The following DOCK1 variants were observed in gnomAD, a reference collection of about 807,000 sequenced individuals.
The protein encoded by DOCK1 is dedicator of cytokinesis 1.
A neutral mutation model predicts 262.7 loss-of-function variants in DOCK1; 138 were observed. The observed-to-expected ratio is 0.53, with a 90% confidence interval of 0.46 to 0.61. The LOEUF (loss-of-function observed/expected upper bound fraction) is 0.61. DOCK1 is among the 20% of genes least tolerant of loss of function. DOCK1 has a pLI of 0.00. For synonymous variants in DOCK1, 866 were observed against 867.4 expected, an observed-to-expected ratio of 1.00 and a Z score of 0.03; for missense variants, 1,908 against 2,370.7, an observed-to-expected ratio of 0.80 and a Z score of 4.05.
intron 2 of DOCK1, among the ~76,000 whole-genome samples, chr10:126,971,671 G>A (rs1250336804): frequency 6.6e-6 from 1 of 152,132 alleles, no homozygotes; most frequent in African/African-American, 2.4e-5. Flanking sequence ...GCCTGCCTCA[G>A]CCTCTCAGAA....
chr10:127,037,851 T>A, intron 19 of DOCK1, 35 bp downstream of exon 19: 15 of 718,642 alleles, frequency 2.1e-5, no homozygotes, highest in Non-Finnish European at 2.6e-5. Context: ...TTTGGGTCTT[T>A]TTTTTTTTTT....
rs970329582 is a variant in DOCK1, at chr10:127,352,594, G to A, written c.3225-2075G>A. On this transcript the variant is annotated intron_variant, in intron 31 of 51. Transcript: ENST00000623213. ...ACTGATGAAGTTCAGCCTAGCAGTGGCCAGTTTTTTTTTCTTGATACAGAG... is the reference window on the plus strand; with the variant it reads ...ACTGATGAAGTTCAGCCTAGCAGTGACCAGTTTTTTTTTCTTGATACAGAG... 1.6e-4 allele frequency among the ~76,000 whole-genome samples: 24 copies of A among 152,038 alleles called. 1 individual carries two copies. The highest frequency in any genetic ancestry group is 2.9e-4 in the Non-Finnish European group (20 of 68,012).
chr10:127,220,235 A>C (rs751347064), intron 27 of DOCK1, among the ~76,000 whole-genome samples: 1 of 151,794 alleles, frequency 6.6e-6, no homozygotes, highest in Non-Finnish European at 1.5e-5. Flanking sequence ...TGGAGTTTGC[A>C]GAGAAAGAGT....
At chr10:127,019,135 G>A (rs190213439) in intron 13 of DOCK1, among the ~76,000 whole-genome samples, 1 of 152,244 alleles carries the variant, frequency 6.6e-6, no homozygotes, top group African/African-American at 2.4e-5. Flanking sequence ...AGAAGAAAGA[G>A]GTCAGAAAGG....
At chr10:126,970,536 G>T (rs907533250) in intron 1 of DOCK1, among the ~76,000 whole-genome samples, 166 bp from the exon 2 acceptor site, 3 of 152,102 alleles carry the variant, frequency 2.0e-5, no homozygotes, top group African/African-American at 7.2e-5. Flanking sequence ...CTTTATATTT[G>T]TCTGAAAGAA....
intron 1 of DOCK1, among the ~76,000 whole-genome samples, chr10:126,958,387 G>T (rs923937493): frequency 6.6e-6 from 1 of 152,220 alleles, no homozygotes; most frequent in Admixed American, 6.5e-5. Context: ...CACAGGGTTT[G>T]TTGGGGCTTC....
intron 27 of DOCK1, among the ~76,000 whole-genome samples, chr10:127,164,371 C>A (rs758859764): frequency 2.0e-5 from 3 of 151,766 alleles, no homozygotes; most frequent in African/African-American, 4.8e-5. Flanking sequence ...TTTGTAGACA[C>A]GGGATTTCAC....
chr10:127,285,170 CT>C (rs2061104759), intron 29 of DOCK1, among the ~76,000 whole-genome samples: 1 of 152,138 alleles, frequency 6.6e-6, no homozygotes, highest in Non-Finnish European at 1.5e-5. Flanking sequence ...GGCAGCCCTT[CT>C]CTGTTTTACT....
chr10:127,433,222 G>A, intron 47 of DOCK1, 61 bp from the exon 48 acceptor site: 2 of 1,594,408 alleles, frequency 1.3e-6, no homozygotes, highest in Non-Finnish European at 1.7e-6. Context: ...TATCTCAGGA[G>A]TCTGACCATG....
intron 1 of DOCK1, among the ~76,000 whole-genome samples, chr10:126,924,185 GCAGGGGGAACTGAATGCTGGAACTGA>G (rs2033475838): frequency 2.3e-5 from 3 of 131,314 alleles, no homozygotes; most frequent in African/African-American, 8.0e-5. Context: ...CTGGAACTGA[GCAGGGGGAACTGAATGCTGGAACTGA>G]GCAGGGGGAA....
intron 35 of DOCK1, among the ~76,000 whole-genome samples, chr10:127,376,561 A>T (rs959099742): frequency 9.2e-5 from 14 of 152,342 alleles, no homozygotes; most frequent in African/African-American, 1.9e-4. Context: ...CATTCTGACC[A>T]ACGTTCAAAG....
intron 25 of DOCK1, among the ~76,000 whole-genome samples, chr10:127,119,909 A>G (rs558544351): frequency 1.2e-4 from 18 of 152,324 alleles, no homozygotes; most frequent in African/African-American, 3.8e-4. Flanking sequence ...TACCTTTTAT[A>G]AAGATTAATA....
chr10:127,039,012 C>G (rs1476183371), intron 19 of DOCK1, among the ~76,000 whole-genome samples: 3 of 152,172 alleles, frequency 2.0e-5, no homozygotes, highest in South Asian at 2.1e-4. Flanking sequence ...TCCTCACTCT[C>G]TAGGAGAGGT....
At chr10:127,330,828 A>C (rs1338718520) in intron 29 of DOCK1, among the ~76,000 whole-genome samples, 5 of 152,238 alleles carry the variant, frequency 3.3e-5, no homozygotes, top group Admixed American at 3.3e-4. Context: ...AGAAACACAC[A>C]CATGTGTGAT....
chr10:127,130,868 G>A (rs1279358870), intron 27 of DOCK1, among the ~76,000 whole-genome samples: 4 of 152,144 alleles, frequency 2.6e-5, no homozygotes, highest in Non-Finnish European at 5.9e-5. Context: ...GCTGATGGCC[G>A]TGGTCCACTT....
At chr10:126,998,907 A>T (rs1444394379) in intron 8 of DOCK1, among the ~76,000 whole-genome samples, 1 of 152,244 alleles carries the variant, frequency 6.6e-6, no homozygotes, top group African/African-American at 2.4e-5. Flanking sequence ...AACTTAGTGT[A>T]TGAATGATAC....
At chr10:127,432,134 C>T (rs112737232) in intron 47 of DOCK1, among the ~76,000 whole-genome samples, 3 of 152,264 alleles carry the variant, frequency 2.0e-5, no homozygotes, top group Non-Finnish European at 2.9e-5. Flanking sequence ...TTGTATTCCA[C>T]GATACCGGTT....
At chr10:127,089,658 T>C (rs2047403563) in intron 23 of DOCK1, among the ~76,000 whole-genome samples, 1 of 152,078 alleles carries the variant, frequency 6.6e-6, no homozygotes, top group African/African-American at 2.4e-5. Context: ...TTCCAGGCCA[T>C]GGATGATGTT....
At chr10:126,911,439 C>T (rs2031743643) in intron 1 of DOCK1, among the ~76,000 whole-genome samples, 1 of 152,186 alleles carries the variant, frequency 6.6e-6, no homozygotes. Context: ...TTTGAAGAGA[C>T]ATCATGGAGT....
Sources: gnomAD v4.1 joint callset for allele counts (sites outside exome capture counted in the v4.1 genomes callset) on GRCh38, gnomAD v4.1.1 for gene constraint, MANE v1.5 for transcripts, NCBI Gene and HGNC (gene_info 2026-07-23, HGNC 2026-07-21) for gene names.